Variants in KDM2B observed in about 807,000 individuals in gnomAD.
KDM2B encodes the protein lysine demethylase 2B, also known as lysine-specific demethylase 2B.
In KDM2B, 26 loss-of-function variants were observed where a neutral mutation model predicts 150.0. That is an observed-to-expected ratio of 0.17 (90% CI 0.13 to 0.24). The LOEUF (loss-of-function observed/expected upper bound fraction) is 0.24, where lower values mean the gene tolerates loss of function less well. Among genes scored for constraint, KDM2B ranks in the 10% least tolerant of loss-of-function variants. KDM2B has a pLI of 1.00. For missense variants in KDM2B, 1,265 were observed against 1,816.9 expected (o/e 0.70, Z 5.52); for synonymous variants, 734 against 729.5 (o/e 1.01, Z -0.10).
chr12:121,577,038 T>C (rs1159388020), intron 2 of KDM2B, among the ~76,000 whole-genome samples: 1 of 152,190 alleles, frequency 6.6e-6, no homozygotes, highest in Admixed American at 6.5e-5. Flanking sequence ...TTTAAGAAGC[T>C]TCTATTTTGA....
In KDM2B at chr12:121,440,071, C is replaced by G. The variant is rs1555287828; in HGVS notation, c.3615G>C (p.Gln1205His). Residue 1205 changes from glutamine to histidine, a missense_variant, in exon 22 of 23, where the codon CAG becomes CAC. Coordinates refer to ENST00000377071, the MANE Select transcript of KDM2B (RefSeq NM_032590.5). Reference protein sequence around the residue: ...LSPPTDNRPGQMDNRSKLRNI... With the variant: ...LSPPTDNRPGHMDNRSKLRNI... ...TCCGGAGCTTGCTCCGATTGTCCATCTGACCTGGTGGGGCAGGAAGGAGGG... is the reference window on the plus strand; with the variant it reads ...TCCGGAGCTTGCTCCGATTGTCCATGTGACCTGGTGGGGCAGGAAGGAGGG... The G allele has an allele frequency of 6.2e-7, 1 of 1,600,902 alleles. No individual in the cohort carries two copies. The highest frequency in any genetic ancestry group is 8.5e-7 in the Non-Finnish European group (1 of 1,174,354).
At chr12:121,562,178 A>G (rs1438198823) in intron 4 of KDM2B, among the ~76,000 whole-genome samples, 3 of 148,134 alleles carry the variant, frequency 2.0e-5, no homozygotes, top group Admixed American at 6.8e-5. Flanking sequence ...TGTCTTGGGG[A>G]AAAAAAAAAC....
At chr12:121,417,478 G>A in the KDM2B span, 3 of 1,588,624 alleles carry the variant, frequency 1.9e-6, no homozygotes. The surrounding 1 kb of genome is among the most constrained non-coding windows in gnomAD (Gnocchi z 5.0). Flanking sequence ...ATATCTTGCT[G>A]TCATCAAATG....
rs1202635499 is a variant in KDM2B, at chr12:121,467,378, T to G, written c.1735-14034A>C. On this transcript the variant is annotated intron_variant, in intron 12 of 22. Transcript: ENST00000377071. This position sits in a 1 kb window ranked among gnomAD's most constrained non-coding sequence, Gnocchi z 5.1. ...CGCCGCGCGCCTCGCACGCCCGCGC[T>G]GGAGGGGGCGGGGAGGGGCCGGCGG... 1.0e-6 allele frequency: 1 copy of G among 977,946 alleles called. No individual in the cohort carries two copies. Among genetic ancestry groups the G allele is most frequent in the Non-Finnish European group, 1.2e-6 (1 of 826,648 alleles). 60.6% of individuals were successfully genotyped at this position (977,946 alleles called of 1,614,324 possible). A position where few individuals can be genotyped will look rare whatever the true frequency, so the allele number is the denominator to read the frequency against.
chr12:121,487,638 C>T lies in KDM2B; in HGVS notation c.1734+6941G>A, dbSNP rs527830673. Among the ~76,000 whole-genome samples, 7 of 152,288 alleles carry T rather than the reference C, an allele frequency of 4.6e-5. No individual in the cohort carries two copies. In the East Asian group the frequency reaches 1.4e-3, roughly 29 times the overall value. ...GACATCTGACACCCTTGGCCTTTGA[C>T]ACCCTCTCCTCCTACCCTGACCCAG... is the stretch of plus-strand genomic sequence containing the variant. On this transcript the variant is annotated intron_variant, in intron 12 of 22. Transcript: ENST00000377071.
chr12:121,489,719 T>C (rs1447691871), intron 12 of KDM2B, among the ~76,000 whole-genome samples: 4 of 152,136 alleles, frequency 2.6e-5, no homozygotes, highest in African/African-American at 9.7e-5. Context: ...GCATTATAGG[T>C]GTGAGCCACC....
At chr12:121,523,413 G>A (rs1262044591) in intron 8 of KDM2B, among the ~76,000 whole-genome samples, 7 of 152,350 alleles carry the variant, frequency 4.6e-5, no homozygotes, top group African/African-American at 1.4e-4. Flanking sequence ...CCTGCACCTT[G>A]AAGGGCCTGG....
chr12:121,433,289 C>T (rs1389247336), intron 22 of KDM2B: 4 of 432,940 alleles, frequency 9.2e-6, no homozygotes, highest in Non-Finnish European at 1.4e-5. Flanking sequence ...CACAGGCAGG[C>T]TGACAGATGT....
At chr12:121,576,695 C>T (rs781945048) in intron 2 of KDM2B, among the ~76,000 whole-genome samples, 3 of 152,196 alleles carry the variant, frequency 2.0e-5, no homozygotes, top group South Asian at 2.1e-4. Flanking sequence ...ACCAGTGAAT[C>T]TGACCCAACC....
At chr12:121,420,470 T>C in the KDM2B span, 7 of 1,567,234 alleles carry the variant, frequency 4.5e-6, no homozygotes, top group Non-Finnish European at 6.1e-6. Context: ...GAAACACTTC[T>C]AGGACTGCTG....
rs979715121 is a variant in KDM2B at position 121,521,889 on chromosome 12, G to A, written c.932-789C>T. Among the ~76,000 whole-genome samples, 3 of 151,632 alleles carry A rather than the reference G, an allele frequency of 2.0e-5. No individual in the cohort carries two copies. The highest frequency in any genetic ancestry group is 7.3e-5 in the African/African-American group (3 of 41,356). ...TTTGGGAGGCTGAGGCGGGAAGATC[G>A]CTTGAGCTCAGCAGTTTGAGATCAG... On this transcript the variant is annotated intron_variant, in intron 8 of 22. Transcript: ENST00000377071. This position sits in a 1 kb window ranked among gnomAD's most constrained non-coding sequence, Gnocchi z 4.9.
At position 121,518,774 on chromosome 12, in the gene KDM2B, C is replaced by T. The variant is rs182317581; in HGVS notation, c.1047+2211G>A. On this transcript the variant is annotated intron_variant, in intron 9 of 22. Transcript: ENST00000377071. The surrounding 1 kb of genome is among the most constrained non-coding windows in gnomAD (Gnocchi z 4.4). ...GGCTTTCAGGAATTGCCTGGAAAGT[C>T]GTGGGCCTGACTTCCACTAGATTTC... is the stretch of plus-strand genomic sequence containing the variant. Among the ~76,000 whole-genome samples, 182 of 152,312 alleles carry T rather than the reference C, an allele frequency of 1.2e-3. 1 individual carries two copies. The highest frequency in any genetic ancestry group is 4.3e-3 in the African/African-American group (177 of 41,570).
rs376890931 is a variant in KDM2B at position 121,527,389 on chromosome 12, G to A, written c.931+5417C>T. ...AAAAAAAGGTGGGGAGGCCGGGCACGGTGGCTCACACCTGTAATCCCAGCA... is the reference window on the plus strand; with the variant it reads ...AAAAAAAGGTGGGGAGGCCGGGCACAGTGGCTCACACCTGTAATCCCAGCA... On this transcript the variant is annotated intron_variant, in intron 8 of 22. Transcript: ENST00000377071. 4.7e-4 allele frequency among the ~76,000 whole-genome samples: 65 copies of A among 138,202 alleles called. No homozygotes were observed. The South Asian group carries it at 0.01, about 22-fold the overall frequency. The allele number at this position is 138,202 out of a possible 152,430, so 90.7% of individuals were successfully genotyped here.
At chr12:121,436,109 T>C (rs1873933050) in intron 22 of KDM2B, among the ~76,000 whole-genome samples, 1 of 152,176 alleles carries the variant, frequency 6.6e-6, no homozygotes, top group Non-Finnish European at 1.5e-5. Flanking sequence ...AGAATACAGC[T>C]TGAAAATTAA....
intron 12 of KDM2B, among the ~76,000 whole-genome samples, chr12:121,478,866 T>TGTGTGTGTGTGTG (rs1881709324): frequency 3.8e-4 from 50 of 131,216 alleles, no homozygotes; most frequent in Non-Finnish European, 5.9e-4. Context: ...TTTTGTTTGT[T>TGTGTGTGTGTGTG]TGTGTGTGTG....
intron 4 of KDM2B, among the ~76,000 whole-genome samples, chr12:121,562,664 G>A (rs1890427445): frequency 6.6e-6 from 1 of 150,490 alleles, no homozygotes; most frequent in Admixed American, 6.7e-5. Flanking sequence ...GGAGGAGGAG[G>A]AAGGGGGGAG....
intron 12 of KDM2B, among the ~76,000 whole-genome samples, chr12:121,479,466 CA>C (rs368195967): frequency 2.2e-4 from 31 of 139,666 alleles, no homozygotes; most frequent in Admixed American, 2.9e-4. Context: ...GACCCTGTCT[CA>C]AAAAAAAAAA....
At position 121,537,929 on chromosome 12, in the gene KDM2B, G is replaced by A. The variant is rs1888284847; in HGVS notation, c.684-3339C>T. 6.6e-6 allele frequency among the ~76,000 whole-genome samples: 1 copy of A among 150,870 alleles called. No homozygotes were observed. On this transcript the variant is annotated intron_variant, in intron 6 of 22. Coordinates refer to ENST00000377071, the MANE Select transcript of KDM2B (RefSeq NM_032590.5). This position sits in a 1 kb window ranked among gnomAD's most constrained non-coding sequence, Gnocchi z 8.7. Reference sequence around the variant, plus strand: ...GCGGTTACCCTCGGCGGCGGCGGCGGCGGCTCCCGTGCGTCCCCTTCGGCT... The same window carrying A: ...GCGGTTACCCTCGGCGGCGGCGGCGACGGCTCCCGTGCGTCCCCTTCGGCT...
chr12:121,443,200 T>A (rs1046841427), intron 17 of KDM2B, 170 bp from the exon 18 acceptor site: 14 of 649,394 alleles, frequency 2.2e-5, no homozygotes, highest in Non-Finnish European at 3.5e-5. Context: ...GAGCCCTGCC[T>A]GCAGCTTTCA....
Sources: allele counts gnomAD v4.1 joint callset (sites outside exome capture counted in the v4.1 genomes callset), GRCh38; gene constraint gnomAD v4.1.1; non-coding constraint Gnocchi (gnomAD v3.1); transcripts MANE v1.5; gene names NCBI Gene and HGNC (gene_info 2026-07-23, HGNC 2026-07-21).